The following GALNT18 variants were observed in gnomAD, a reference collection of about 807,000 sequenced individuals.
The protein encoded by GALNT18 is GalNAc-transferase 18.
In GALNT18, 44 loss-of-function variants were observed where a neutral mutation model predicts 69.5. That is an observed-to-expected ratio of 0.63 (90% CI 0.50 to 0.81). The LOEUF (loss-of-function observed/expected upper bound fraction) is 0.81, where lower values mean the gene tolerates loss of function less well. GALNT18 is among the 40% of genes least tolerant of loss of function. GALNT18 has a pLI of 0.00. For synonymous variants in GALNT18, 364 were observed against 318.2 expected, an observed-to-expected ratio of 1.14 and a Z score of -1.53; for missense variants, 715 against 810.0, an observed-to-expected ratio of 0.88 and a Z score of 1.42.
chr11:11,546,831 G>C lies in GALNT18; in HGVS notation c.235+74528C>G, dbSNP rs1224855518. The stretch of plus-strand genomic sequence containing the variant: ...AGATCAATTTTCGGTCAGATGGATG[G>C]ATGGGTGGGTTGGGTGTGTGGGTGG... On this transcript the variant is annotated intron_variant, in intron 1 of 10. Transcript: ENST00000227756. The surrounding 1 kb of genome is among the most constrained non-coding windows in gnomAD (Gnocchi z 5.8). 6.6e-6 allele frequency among the ~76,000 whole-genome samples: 1 copy of C among 151,424 alleles called. No individual in the cohort carries two copies. The highest frequency in any genetic ancestry group is 1.5e-5 in the Non-Finnish European group (1 of 67,870).
At chr11:11,434,633 T>C (rs1298981516) in intron 2 of GALNT18, among the ~76,000 whole-genome samples, 1 of 152,106 alleles carries the variant, frequency 6.6e-6, no homozygotes, top group Non-Finnish European at 1.5e-5. Context: ...TTAAATGGCA[T>C]GCAAAAGTGA....
chr11:11,333,958 T>C (rs1850064925), intron 7 of GALNT18, among the ~76,000 whole-genome samples: 1 of 151,868 alleles, frequency 6.6e-6, no homozygotes, highest in South Asian at 2.1e-4. Flanking sequence ...TCTCAGAGGA[T>C]GACACCATGG....
intron 1 of GALNT18, among the ~76,000 whole-genome samples, chr11:11,514,712 G>A (rs1161560162): frequency 6.6e-6 from 1 of 152,196 alleles, no homozygotes; most frequent in Non-Finnish European, 1.5e-5. Context: ...TCTGGCTGCT[G>A]GTAGAGGGAC....
Position 11,315,599 on chromosome 11 carries a change from T to C in GALNT18, c.1512+11487A>G, listed in dbSNP as rs558686334. Among the ~76,000 whole-genome samples the C allele has an allele frequency of 3.9e-5, 6 of 152,028 alleles. No homozygotes were observed. The highest frequency in any genetic ancestry group is 8.8e-5 in the Non-Finnish European group (6 of 67,994). ...GAGTTTGCTCTTGGGTGAGGCATAG[T>C]AACACCTACCATCACCATCACATGT... On this transcript the variant is annotated intron_variant, in intron 9 of 10. Transcript: ENST00000227756. This position sits in a 1 kb window ranked among gnomAD's most constrained non-coding sequence, Gnocchi z 5.6.
At chr11:11,550,156 C>T (rs1858155361) in intron 1 of GALNT18, among the ~76,000 whole-genome samples, 2 of 152,230 alleles carry the variant, frequency 1.3e-5, no homozygotes, top group African/African-American at 2.4e-5. Context: ...GACTGCTCAG[C>T]TCTGAGCTCC....
Position 11,421,951 on chromosome 11 carries a change from A to T in GALNT18, c.595+10670T>A, listed in dbSNP as rs1315399112. Among the ~76,000 whole-genome samples, 1 of 152,276 alleles carries T rather than the reference A, an allele frequency of 6.6e-6. No homozygotes were observed. Among genetic ancestry groups the T allele is most frequent in the Non-Finnish European group, 1.5e-5 (1 of 68,046 alleles). On this transcript the variant is annotated intron_variant, in intron 3 of 10. Transcript: ENST00000227756. The surrounding 1 kb of genome is among the most constrained non-coding windows in gnomAD (Gnocchi z 5.6). ...GCCCCTGGCCTGGGTGCCCTGGCAT[A>T]GAATCATGCATGGCAGCTGAGAGGT...
chr11:11,486,412 T>C (rs1856647287), intron 1 of GALNT18, among the ~76,000 whole-genome samples: 1 of 152,152 alleles, frequency 6.6e-6, no homozygotes, highest in East Asian at 1.9e-4. Context: ...CCCAGGACAC[T>C]TGCACCCCTG....
intron 1 of GALNT18, among the ~76,000 whole-genome samples, chr11:11,503,571 C>A (rs1353733039): frequency 6.6e-6 from 1 of 152,180 alleles, no homozygotes; most frequent in Non-Finnish European, 1.5e-5. Context: ...CTGCGCTAGG[C>A]ACTATGTGTT....
chr11:11,396,326 G>A lies in GALNT18; in HGVS notation c.596-17062C>T, dbSNP rs1181311613. On this transcript the variant is annotated intron_variant, in intron 3 of 10. Coordinates refer to ENST00000227756, the MANE Select transcript of GALNT18 (RefSeq NM_198516.3). The surrounding 1 kb of genome is among the most constrained non-coding windows in gnomAD (Gnocchi z 5.2). ...CATGGATCAAGAAGGGCAACATTTC[G>A]AGAGGTGAGGAAGAGAGAGTTTGCT... is the stretch of plus-strand genomic sequence containing the variant. 1.3e-5 allele frequency among the ~76,000 whole-genome samples: 2 copies of A among 152,186 alleles called. No homozygotes were observed. The highest frequency in any genetic ancestry group is 2.1e-4 in the South Asian group (1 of 4,826).
In GALNT18 at chr11:11,347,018, G is replaced by A. The variant is rs1002820616; in HGVS notation, c.1093-6014C>T. 1.3e-5 allele frequency among the ~76,000 whole-genome samples: 2 copies of A among 152,178 alleles called. No homozygotes were observed. The highest frequency in any genetic ancestry group is 2.9e-5 in the Non-Finnish European group (2 of 68,036). ...ACGAGCAAAGGCGGGCATGTAGTGG[G>A]TTCTCAGGGAGGCTCAGATCACTTT... On this transcript the variant is annotated intron_variant, in intron 6 of 10. Coordinates refer to ENST00000227756, the MANE Select transcript of GALNT18 (RefSeq NM_198516.3). The surrounding 1 kb of genome is among the most constrained non-coding windows in gnomAD (Gnocchi z 4.0).
chr11:11,297,184 C>G (rs1327411150), intron 9 of GALNT18, among the ~76,000 whole-genome samples: 1 of 152,046 alleles, frequency 6.6e-6, no homozygotes, highest in South Asian at 2.1e-4. Flanking sequence ...GGACAGCCCC[C>G]CACAGCAAAG....
Position 11,379,096 on chromosome 11 carries a change from T to A in GALNT18, c.764A>T (p.Glu255Val), listed in dbSNP as rs1166429772. 2.7e-5 allele frequency: 44 copies of A among 1,604,282 alleles called. No individual in the cohort carries two copies. Among genetic ancestry groups the A allele is most frequent in the Non-Finnish European group, 3.3e-5 (39 of 1,178,008 alleles). ...GGGCACTTACCAGCCCACATTGAAC[T>A]CCACGTGGGCATCAAAGAGTGCCAC... ...PVVALFDAHV[E>V]FNVGWAEPVL... The change falls in exon 4 of 11, where the codon GAG (glutamate) becomes GTG (valine). Residue 255 changes from glutamate to valine, a missense_variant. Physicochemically the swap from Glu to Val is moderately radical, Grantham distance 121. Transcript: ENST00000227756.
intron 9 of GALNT18, among the ~76,000 whole-genome samples, chr11:11,300,760 A>G (rs1051518780): frequency 6.6e-6 from 1 of 152,202 alleles, no homozygotes; most frequent in Non-Finnish European, 1.5e-5. Context: ...AAGCTAAGGC[A>G]GGGGTCTCCA....
Position 11,350,783 on chromosome 11 carries a change from T to G in GALNT18, c.1093-9779A>C, listed in dbSNP as rs78768189. 5.8e-3 allele frequency among the ~76,000 whole-genome samples: 890 copies of G among 152,228 alleles called. 30 individuals are homozygous for G. The East Asian group carries it at 0.099, about 17-fold the overall frequency. On this transcript the variant is annotated intron_variant, in intron 6 of 10. Transcript: ENST00000227756. The stretch of plus-strand genomic sequence containing the variant: ...GCTGGATGTTTAAGCCAGGGTGAAC[T>G]TGAAGTTCAAAGATGCTGAACCCAC...
At chr11:11,408,573 C>T (rs1854648802) in intron 3 of GALNT18, among the ~76,000 whole-genome samples, 1 of 152,010 alleles carries the variant, frequency 6.6e-6, no homozygotes, top group East Asian at 1.9e-4. Flanking sequence ...GTTGTGACTC[C>T]TACTCTCCCA....
At chr11:11,312,763 G>A (rs1413864000) in intron 9 of GALNT18, among the ~76,000 whole-genome samples, 2 of 152,222 alleles carry the variant, frequency 1.3e-5, no homozygotes, top group African/African-American at 4.8e-5. Flanking sequence ...AGGGCTCTGT[G>A]AGGAAGACTG....
chr11:11,520,781 G>A (rs1052612120), intron 1 of GALNT18, among the ~76,000 whole-genome samples: 5 of 152,314 alleles, frequency 3.3e-5, no homozygotes, highest in East Asian at 3.9e-4. Flanking sequence ...CCCCTTCCTG[G>A]TCAGGCATTT....
chr11:11,277,829 C>A (rs1001849984), intron 10 of GALNT18, among the ~76,000 whole-genome samples: 1 of 152,134 alleles, frequency 6.6e-6, no homozygotes, highest in African/African-American at 2.4e-5. Context: ...GTTTCTTAAT[C>A]CTGAGTTCTA....
At position 11,461,563 on chromosome 11, in the gene GALNT18, C is replaced by T. The variant is rs373505479; in HGVS notation, c.236-12627G>A. On this transcript the variant is annotated intron_variant, in intron 1 of 10. Coordinates refer to ENST00000227756, the MANE Select transcript of GALNT18 (RefSeq NM_198516.3). This position sits in a 1 kb window ranked among gnomAD's most constrained non-coding sequence, Gnocchi z 4.1. ...CTGAAGCACATACCGTTATCCCCCC[C>T]GCTCCCGCCCGCCACCGAGCTGACA... Among the ~76,000 whole-genome samples, 25 of 152,190 alleles carry T rather than the reference C, an allele frequency of 1.6e-4. No individual in the cohort carries two copies. Among genetic ancestry groups the T allele is most frequent in the Non-Finnish European group, 3.1e-4 (21 of 68,036 alleles).
Sources: allele counts gnomAD v4.1 joint callset (sites outside exome capture counted in the v4.1 genomes callset), GRCh38; gene constraint gnomAD v4.1.1; non-coding constraint Gnocchi (gnomAD v3.1); transcripts MANE v1.5; gene names NCBI Gene and HGNC (gene_info 2026-07-23, HGNC 2026-07-21).